The following RCHY1 variants were observed in gnomAD, a reference collection of about 807,000 sequenced individuals.
The protein encoded by RCHY1 is RING finger and CHY zinc finger domain-containing protein 1.
A neutral mutation model predicts 41.6 loss-of-function variants in RCHY1; 21 were observed. The ratio of observed to expected loss-of-function variants is 0.51; its 90% CI spans 0.36 to 0.73. RCHY1 has a LOEUF of 0.73. Ranked by LOEUF, RCHY1 falls within the 30% of genes least tolerant of loss-of-function variation. RCHY1 has a pLI of 0.00. For synonymous variants in RCHY1, 79 were observed against 102.9 expected, an observed-to-expected ratio of 0.77 and a Z score of 1.41; for missense variants, 265 against 325.3, an observed-to-expected ratio of 0.81 and a Z score of 1.43.
chr4:75,485,574 T>C (rs1384650733), intron 8 of RCHY1, among the ~76,000 whole-genome samples: 1 of 152,226 alleles, frequency 6.6e-6, no homozygotes, highest in East Asian at 1.9e-4. Context: ...GAGCAAATGA[T>C]GGTACAATAT....
intron 3 of RCHY1, among the ~76,000 whole-genome samples, chr4:75,499,871 G>A (rs1329737577): frequency 6.6e-6 from 1 of 152,184 alleles, no homozygotes; most frequent in Non-Finnish European, 1.5e-5. Flanking sequence ...CCAGTAGGGT[G>A]ACTACGGTTT....
Position 75,508,848 on chromosome 4 carries a change from A to G in RCHY1, c.298T>C (p.Tyr100His). ...CHLFDKDKKQYHCENCGICRI... is the reference protein window; with the variant it reads ...CHLFDKDKKQHHCENCGICRI... ...CAAATTCCACAGTTTTCACAGTGAT[A>G]CTGCTTCTTATCTTTGTCAAACAAA... The change falls in exon 3 of 9, where the codon TAT becomes CAT. Residue 100 changes from tyrosine to histidine, a missense_variant. Transcript: ENST00000324439. 19 of 1,609,046 alleles carry G rather than the reference A, an allele frequency of 1.2e-5. No individual in the cohort carries two copies. The highest frequency in any genetic ancestry group is 1.5e-5 in the Non-Finnish European group (18 of 1,177,076).
At chr4:75,499,556 T>C (rs1723542925) in intron 3 of RCHY1, among the ~76,000 whole-genome samples, 1 of 152,152 alleles carries the variant, frequency 6.6e-6, no homozygotes. Flanking sequence ...AAAGAAAATA[T>C]GGTATATGTA....
At chr4:75,494,867 T>C (rs78077394) in intron 3 of RCHY1, among the ~76,000 whole-genome samples, 2,152 of 151,984 alleles carry the variant, frequency 0.014, 16 homozygotes, top group Non-Finnish European at 0.021. Flanking sequence ...ACTTGTATTA[T>C]AGACAAACAA....
chr4:75,504,810 C>T (rs1445693556), intron 3 of RCHY1, among the ~76,000 whole-genome samples: 2 of 152,204 alleles, frequency 1.3e-5, no homozygotes, highest in African/African-American at 4.8e-5. Flanking sequence ...TTAATTTTCA[C>T]TATCCTTTAT....
chr4:75,483,007 G>A (rs1342609309), intron 8 of RCHY1, among the ~76,000 whole-genome samples: 1 of 151,986 alleles, frequency 6.6e-6, no homozygotes, highest in East Asian at 1.9e-4. Context: ...ATAACAACAT[G>A]ATTTCATTAT....
intron 1 of RCHY1, among the ~76,000 whole-genome samples, chr4:75,513,358 T>C (rs551137330): frequency 2.0e-5 from 3 of 152,214 alleles, no homozygotes; most frequent in Non-Finnish European, 4.4e-5. Flanking sequence ...CTTCAGGGAA[T>C]GCGCCCTGTT....
intron 3 of RCHY1, among the ~76,000 whole-genome samples, chr4:75,504,718 A>G (rs1303576585): frequency 6.6e-6 from 1 of 152,218 alleles, no homozygotes; most frequent in African/African-American, 2.4e-5. Context: ...ATATTTGAGC[A>G]CACATTATCT....
intron 8 of RCHY1, 77 bp downstream of exon 8, chr4:75,490,504 G>A: frequency 9.2e-7 from 1 of 1,089,542 alleles, no homozygotes; most frequent in Non-Finnish European, 1.3e-6. Flanking sequence ...TTTTTTTTTT[G>A]GCAAATTCAA....
At chr4:75,504,075 A>T (rs1724063880) in intron 3 of RCHY1, among the ~76,000 whole-genome samples, 2 of 152,262 alleles carry the variant, frequency 1.3e-5, no homozygotes, top group Admixed American at 6.5e-5. Context: ...AGAAGTAATG[A>T]TAAGCCAAGA....
In RCHY1 at chr4:75,479,433, T is replaced by C. The variant is rs1213861364; in HGVS notation, c.*3105A>G. ...TACTTAGTAAATTTATTTTGATGCA[T>C]GACCAAAATAAAAGGGAAATTTAAC... On this transcript the variant is annotated 3_prime_UTR_variant, in exon 9 of 9. Transcript: ENST00000324439. The C allele has an allele frequency of 6.6e-6, 1 of 152,104 alleles. No individual in the cohort carries two copies. The highest frequency in any genetic ancestry group is 1.5e-5 in the Non-Finnish European group (1 of 67,970). The allele number at this position is 152,104 out of a possible 1,614,324, so 9.4% of individuals were successfully genotyped here. A position where few individuals can be genotyped will look rare whatever the true frequency, so the allele number is the denominator to read the frequency against.
At chr4:75,501,583 A>G (rs899649874) in intron 3 of RCHY1, among the ~76,000 whole-genome samples, 4 of 152,238 alleles carry the variant, frequency 2.6e-5, no homozygotes, top group Non-Finnish European at 4.4e-5. Flanking sequence ...TGAAGTGAAC[A>G]TAATTATTTG....
At chr4:75,498,119 TAA>T (rs76668901) in intron 3 of RCHY1, among the ~76,000 whole-genome samples, 4 of 128,774 alleles carry the variant, frequency 3.1e-5, no homozygotes, top group Admixed American at 1.5e-4. Flanking sequence ...TGTAATAGAC[TAA>T]AAAAAAAAAA....
At chr4:75,510,227 C>G (rs1724735636) in intron 1 of RCHY1, among the ~76,000 whole-genome samples, 1 of 152,112 alleles carries the variant, frequency 6.6e-6, no homozygotes, top group South Asian at 2.1e-4. Flanking sequence ...TAAAACATGA[C>G]AAAATGATAC....
intron 3 of RCHY1, among the ~76,000 whole-genome samples, chr4:75,495,354 C>CTA (rs1419473036): frequency 1.3e-5 from 2 of 152,036 alleles, no homozygotes; most frequent in East Asian, 3.9e-4. Context: ...TTGAAATTTG[C>CTA]TATATATGGC....
In RCHY1 at chr4:75,481,578, A is replaced by C. The variant is rs1721524460; in HGVS notation, c.*960T>G. On this transcript the variant is annotated 3_prime_UTR_variant, in exon 9 of 9. Coordinates refer to ENST00000324439, the MANE Select transcript of RCHY1 (RefSeq NM_015436.4). ...CCTATTTTCACACGCTTAGGGAAGA[A>C]ATATTCTATTCATTTACAATAAGAC... 1 of 152,180 alleles carries C rather than the reference A, an allele frequency of 6.6e-6. No individual in the cohort carries two copies. The allele number at this position is 152,180 out of a possible 1,614,324, so 9.4% of individuals were successfully genotyped here. A position where few individuals can be genotyped will look rare whatever the true frequency, so the allele number is the denominator to read the frequency against.
intron 3 of RCHY1, among the ~76,000 whole-genome samples, chr4:75,500,396 A>C (rs1315337533): frequency 6.6e-6 from 1 of 152,214 alleles, no homozygotes; most frequent in Non-Finnish European, 1.5e-5. Context: ...CATTACAGTA[A>C]GGATATATGT....
chr4:75,491,449 C>T, intron 7 of RCHY1, 162 bp downstream of exon 7: 1 of 600,002 alleles, frequency 1.7e-6, no homozygotes, highest in Non-Finnish European at 2.9e-6. Flanking sequence ...ATATCCAAGA[C>T]ACTTTGTCCT....
chr4:75,507,057 A>C (rs1402662539), intron 3 of RCHY1, among the ~76,000 whole-genome samples: 2 of 151,780 alleles, frequency 1.3e-5, no homozygotes, highest in Admixed American at 6.6e-5. Flanking sequence ...AAATGGAGGC[A>C]AAAAAAAGAC....
Sources: allele counts gnomAD v4.1 joint callset (sites outside exome capture counted in the v4.1 genomes callset), GRCh38; gene constraint gnomAD v4.1.1; transcripts MANE v1.5; gene names NCBI Gene and HGNC (gene_info 2026-07-23, HGNC 2026-07-21).